The following UBR1 variants were observed in gnomAD, a reference collection of about 807,000 sequenced individuals.
UBR1 encodes the protein ubiquitin protein ligase E3 component n-recognin 1.
Under a neutral mutation model 242.1 loss-of-function variants are expected in UBR1, and 102 were observed. That is an observed-to-expected ratio of 0.42 (90% confidence interval 0.36 to 0.50). UBR1 has a LOEUF of 0.50. Ranked by LOEUF, UBR1 falls within the 20% of genes least tolerant of loss-of-function variation. The pLI, the probability that UBR1 is intolerant of heterozygous loss-of-function variation, is 0.01. For missense variants in UBR1, 1,772 were observed against 2,101.8 expected, an observed-to-expected ratio of 0.84 and a Z score of 3.07; for synonymous variants, 675 against 684.8, an observed-to-expected ratio of 0.99 and a Z score of 0.22.
chr15:43,069,274 G>A (rs1673362830), intron 5 of UBR1, among the ~76,000 whole-genome samples: 1 of 151,450 alleles, frequency 6.6e-6, no homozygotes, highest in Non-Finnish European at 1.5e-5. Flanking sequence ...CTACATATGT[G>A]TTCAGTATTT....
chr15:43,016,529 T>A (rs1463948120), intron 28 of UBR1, among the ~76,000 whole-genome samples: 1 of 152,178 alleles, frequency 6.6e-6, no homozygotes, highest in Admixed American at 6.5e-5. Context: ...GTGAGACATA[T>A]CCCAATTTAA....
At chr15:43,040,029 T>C (rs1052558114) in intron 15 of UBR1, among the ~76,000 whole-genome samples, 5 of 152,124 alleles carry the variant, frequency 3.3e-5, no homozygotes, top group Admixed American at 3.3e-4. Flanking sequence ...CTGCCCAAGG[T>C]AATTTATAGA....
chr15:42,980,659 AGT>A (rs2032362899), intron 37 of UBR1, among the ~76,000 whole-genome samples: 1 of 151,970 alleles, frequency 6.6e-6, no homozygotes, highest in Non-Finnish European at 1.5e-5. Context: ...CCCAGGCTGG[AGT>A]GCAGTAGTAC....
chr15:43,088,414 G>T (rs1342425424), intron 1 of UBR1, among the ~76,000 whole-genome samples: 1 of 152,082 alleles, frequency 6.6e-6, no homozygotes. Context: ...AGTGGAAAAA[G>T]AAGCTTTAAA....
chr15:42,987,711 CAAA>C lies in UBR1; in HGVS notation c.3997+1105_3997+1107del, dbSNP rs35169116. Among the ~76,000 whole-genome samples, 43 of 54,652 alleles carry C rather than the reference CAAA, an allele frequency of 7.9e-4. 1 individual carries two copies. Among genetic ancestry groups the C allele is most frequent in the African/African-American group, 2.8e-3 (38 of 13,692 alleles). The allele number at this position is 54,652 out of a possible 152,430, so 35.9% of individuals were successfully genotyped here. A position where few individuals can be genotyped will look rare whatever the true frequency, so the allele number is the denominator to read the frequency against. ...CTGCCAATAGAGCGAGACTCTGTCT[CAAA>C]AAAAAAAAAAAAAAAAAAAAAATAT... is the stretch of plus-strand genomic sequence containing the variant. On this transcript the variant is annotated intron_variant, in intron 35 of 46. Coordinates refer to ENST00000290650, the MANE Select transcript of UBR1 (RefSeq NM_174916.3).
At chr15:42,959,131 CCAAT>C (rs1167262633) in intron 43 of UBR1, among the ~76,000 whole-genome samples, 1 of 152,088 alleles carries the variant, frequency 6.6e-6, no homozygotes, top group Non-Finnish European at 1.5e-5. Context: ...GCGCCTGGCC[CCAAT>C]CAATTTAAAT....
Position 43,007,265 on chromosome 15 carries a change from A to T in UBR1, c.3229T>A (p.Tyr1077Asn). 1 of 1,614,170 alleles carries T rather than the reference A, an allele frequency of 6.2e-7. No homozygotes were observed. The highest frequency in any genetic ancestry group is 8.5e-7 in the Non-Finnish European group (1 of 1,180,016). The change falls in exon 30 of 47, where the codon TAC (tyrosine) becomes AAC (asparagine). Residue 1077 changes from tyrosine (Y) to asparagine (N), a missense_variant. Tyr to Asn is a moderately radical substitution (Grantham distance 143). Transcript: ENST00000290650. Reference protein sequence around the residue: ...EEESTPAVSDYSRIALGPKRG... With the variant: ...EEESTPAVSDNSRIALGPKRG... ...TTAGGACCCAAAGCAATTCTAGAGT[A>T]GTCACTGACTGCTGGGGTGCTACCA...
At chr15:43,022,453 G>A (rs2033122390) in intron 26 of UBR1, among the ~76,000 whole-genome samples, 1 of 151,586 alleles carries the variant, frequency 6.6e-6, no homozygotes, top group African/African-American at 2.4e-5. Context: ...AAAAAAAGTG[G>A]GGCGATCATG....
intron 46 of UBR1, among the ~76,000 whole-genome samples, chr15:42,949,500 T>C (rs534771689): frequency 3.3e-5 from 5 of 152,044 alleles, no homozygotes; most frequent in African/African-American, 1.2e-4. Flanking sequence ...TTTGAAGCCA[T>C]TTAAAAGATA....
chr15:43,006,960 T>C, intron 30 of UBR1, 119 bp downstream of exon 30: 2 of 919,360 alleles, frequency 2.2e-6, no homozygotes, highest in East Asian at 2.7e-5. Flanking sequence ...TTCTTAAATA[T>C]GATAATGGTA....
chr15:42,979,830 T>C (rs987177475), intron 37 of UBR1, among the ~76,000 whole-genome samples: 1 of 152,296 alleles, frequency 6.6e-6, no homozygotes, highest in African/African-American at 2.4e-5. Flanking sequence ...AGTGCTGGGA[T>C]TACAGGTGTG....
intron 20 of UBR1, among the ~76,000 whole-genome samples, chr15:43,032,223 T>C (rs1357364677): frequency 6.6e-6 from 1 of 152,200 alleles, no homozygotes; most frequent in African/African-American, 2.4e-5. Flanking sequence ...ATAAACATTA[T>C]TTCTGGCAAA....
At chr15:43,074,951 A>G in intron 4 of UBR1, 28 bp downstream of exon 4, 1 of 1,535,490 alleles carries the variant, frequency 6.5e-7, no homozygotes, top group Non-Finnish European at 9.0e-7. Context: ...AAAATAGTTA[A>G]CAATTTTTAA....
chr15:43,024,179 A>T (rs1017084455), intron 25 of UBR1, among the ~76,000 whole-genome samples: 7 of 152,246 alleles, frequency 4.6e-5, no homozygotes, highest in African/African-American at 1.4e-4. Flanking sequence ...GAATGTATTT[A>T]TCAGTGTTAT....
chr15:43,059,255 G>A, intron 8 of UBR1, 63 bp from the exon 9 acceptor site: 1 of 1,448,988 alleles, frequency 6.9e-7, no homozygotes, highest in South Asian at 1.2e-5. Flanking sequence ...AAATAGAGAT[G>A]AGTCTCACTC....
At chr15:43,045,643 C>T (rs1041329544) in intron 14 of UBR1, among the ~76,000 whole-genome samples, 4 of 152,144 alleles carry the variant, frequency 2.6e-5, no homozygotes, top group Non-Finnish European at 5.9e-5. Context: ...CACACATACA[C>T]ACTTACCATC....
At chr15:43,005,105 C>A (rs1002816742) in intron 30 of UBR1, among the ~76,000 whole-genome samples, 4 of 151,882 alleles carry the variant, frequency 2.6e-5, no homozygotes, top group African/African-American at 9.7e-5. Flanking sequence ...CTCTGCCCAG[C>A]CGCCCCGTCT....
chr15:42,964,322 AG>A (rs1255239744), intron 41 of UBR1, among the ~76,000 whole-genome samples: 1 of 152,158 alleles, frequency 6.6e-6, no homozygotes, highest in Non-Finnish European at 1.5e-5. Flanking sequence ...ATACAAAATT[AG>A]CCAGGCGTGG....
Position 43,070,967 on chromosome 15 carries a change from A to G in UBR1, c.529-42T>C, listed in dbSNP as rs146987997. ...AAAAACATACTAGTCAAGATTGTAT[A>G]CAAATAAATGGATAAGGAAGGTAAT... is the stretch of plus-strand genomic sequence containing the variant. On this transcript the variant is annotated intron_variant, in intron 4 of 46. Coordinates refer to ENST00000290650, the MANE Select transcript of UBR1 (RefSeq NM_174916.3). The G allele has an allele frequency of 4.7e-3, 7,615 of 1,605,962 alleles. 572 individuals carry two copies. The Admixed American group carries it at 0.12, about 25-fold the overall frequency.
Sources: gnomAD v4.1 joint callset for allele counts (sites outside exome capture counted in the v4.1 genomes callset) on GRCh38, gnomAD v4.1.1 for gene constraint, MANE v1.5 for transcripts, NCBI Gene and HGNC (gene_info 2026-07-23, HGNC 2026-07-21) for gene names.